Variants in NUP37 observed in about 807,000 individuals in gnomAD.
The protein encoded by NUP37 is nucleoporin Nup37.
A neutral mutation model predicts 45.4 loss-of-function variants in NUP37; 33 were observed. The ratio of observed to expected loss-of-function variants is 0.73; its 90% confidence interval spans 0.55 to 0.97. The LOEUF is 0.97. Ranked by LOEUF, NUP37 falls within the 50% of genes least tolerant of loss-of-function variation. The pLI is 0.00. For synonymous variants in NUP37, 127 were observed against 130.7 expected, an observed-to-expected ratio of 0.97 and a Z score of 0.19; for missense variants, 365 against 389.7, an observed-to-expected ratio of 0.94 and a Z score of 0.53.
chr12:102,088,702 A>AATTTTTTTTTTTTTTTTTTTTTTTTTTT (rs1594388370), intron 5 of NUP37, among the ~76,000 whole-genome samples: 1 of 128,584 alleles, frequency 7.8e-6, no homozygotes, highest in Non-Finnish European at 1.7e-5. Context: ...TTTTTGTTTT[A>AATTTTTTTTTTTTTTTTTTTTTTTTTTT]ATTTTTTTTT....
At chr12:102,119,702 T>C (rs1880681759) in intron 1 of NUP37, among the ~76,000 whole-genome samples, 1 of 152,084 alleles carries the variant, frequency 6.6e-6, no homozygotes, top group African/African-American at 2.4e-5. Context: ...CCAGCAAGTG[T>C]TATGGACACG....
intron 5 of NUP37, 33 bp downstream of exon 5, chr12:102,099,073 T>C: frequency 7.3e-7 from 1 of 1,366,006 alleles, no homozygotes; most frequent in Non-Finnish European, 1.0e-6. Flanking sequence ...AAAATGGCAA[T>C]TTAAAAATGT....
At chr12:102,105,247 G>A (rs942424810) in intron 3 of NUP37, among the ~76,000 whole-genome samples, 48 of 152,112 alleles carry the variant, frequency 3.2e-4, no homozygotes, top group African/African-American at 9.7e-4. Flanking sequence ...TGCCATGGCC[G>A]GGTGCAATGG....
chr12:102,086,556 G>C (rs1879477898), intron 5 of NUP37, among the ~76,000 whole-genome samples: 1 of 152,180 alleles, frequency 6.6e-6, no homozygotes. Flanking sequence ...ACAAGGACCA[G>C]GTTACTCACC....
rs748190257 is a variant in NUP37 at position 102,118,375 on chromosome 12, C to A, written c.144G>T (p.Thr48=). The change falls in exon 2 of 10, where the codon ACG becomes ACT. Residue 48 remains threonine, a synonymous_variant. Transcript: ENST00000552283. ...TTTGTAGACTAACCTGAAACGTACA[C>A]GTGCCAATGACCACATAATTATTGC... is the stretch of plus-strand genomic sequence containing the variant. The part of the protein sequence containing the change: ...YGGNNYVVIG[T]CTFQEEEADV... 4.3e-6 allele frequency: 7 copies of A among 1,612,934 alleles called. No homozygotes were observed. In the East Asian group the frequency reaches 8.9e-5, roughly 21 times the overall value.
intron 5 of NUP37, among the ~76,000 whole-genome samples, chr12:102,089,111 C>G (rs995879399): frequency 6.6e-6 from 1 of 152,064 alleles, no homozygotes; most frequent in Non-Finnish European, 1.5e-5. Flanking sequence ...CTACTTCTTT[C>G]TACACAGACA....
At chr12:102,083,155 G>T (rs1879375135) in intron 6 of NUP37, among the ~76,000 whole-genome samples, 1 of 152,184 alleles carries the variant, frequency 6.6e-6, no homozygotes, top group Non-Finnish European at 1.5e-5. Flanking sequence ...TTTTGGGATA[G>T]AAGTTGTAAT....
rs1207872153 is a variant in NUP37, at chr12:102,073,273, T to G, written c.*1081A>C. 1 of 152,130 alleles carries G rather than the reference T, an allele frequency of 6.6e-6. No homozygotes were observed. The highest frequency in any genetic ancestry group is 2.4e-5 in the African/African-American group (1 of 41,418). 9.4% of individuals were successfully genotyped at this position (152,130 alleles called of 1,614,324 possible). ...GTGACTGACAAGCAGAACCATAATT[T>G]TATATGCTTCTGACTGTACCATGAT... is the stretch of plus-strand genomic sequence containing the variant. On this transcript the variant is annotated 3_prime_UTR_variant, in exon 10 of 10. Coordinates refer to ENST00000552283, the MANE Select transcript of NUP37 (RefSeq NM_024057.4).
intron 8 of NUP37, among the ~76,000 whole-genome samples, chr12:102,076,347 A>G (rs149533710): frequency 1.3e-5 from 2 of 152,362 alleles, no homozygotes; most frequent in African/African-American, 4.8e-5. Context: ...ACCACACTAT[A>G]CAATGGAGTA....
At chr12:102,094,960 G>A (rs940089707) in intron 5 of NUP37, among the ~76,000 whole-genome samples, 8 of 152,058 alleles carry the variant, frequency 5.3e-5, no homozygotes, top group South Asian at 2.1e-4. Context: ...GAGGGATGAG[G>A]AGGAGGGATG....
rs773023340 is a variant in NUP37 at position 102,075,007 on chromosome 12, G to T, written c.861C>A (p.His287Gln). The change falls in exon 9 of 10, where the codon CAC becomes CAA. Residue 287 changes from histidine (H) to glutamine (Q), a missense_variant. Coordinates refer to ENST00000552283, the MANE Select transcript of NUP37 (RefSeq NM_024057.4). Reference sequence around the variant, plus strand: ...CAAAACATTTCCACATTACCTGAGGGTGTCCTAAATGATGAATTTGAAACT... The same window carrying T: ...CAAAACATTTCCACATTACCTGAGGTTGTCCTAAATGATGAATTTGAAACT... ...ASQFQIHHLG[H>Q]PQPILMGSVA... 5 of 1,600,654 alleles carry T rather than the reference G, an allele frequency of 3.1e-6. No homozygotes were observed. Among genetic ancestry groups the T allele is most frequent in the Non-Finnish European group, 3.4e-6 (4 of 1,171,480 alleles).
At chr12:102,107,593 C>T (rs1438800522) in intron 3 of NUP37, among the ~76,000 whole-genome samples, 3 of 152,154 alleles carry the variant, frequency 2.0e-5, no homozygotes, top group Non-Finnish European at 4.4e-5. Flanking sequence ...TCAAACAGTA[C>T]ATTCATAACC....
chr12:102,098,563 G>A (rs1303919215), intron 5 of NUP37, among the ~76,000 whole-genome samples: 5 of 149,700 alleles, frequency 3.3e-5, no homozygotes, highest in Non-Finnish European at 5.9e-5. Flanking sequence ...ATGGAGTGTC[G>A]CTATGCCACC....
chr12:102,106,784 C>T (rs576102413), intron 3 of NUP37, among the ~76,000 whole-genome samples: 1 of 152,180 alleles, frequency 6.6e-6, no homozygotes, highest in Non-Finnish European at 1.5e-5. Context: ...GCCCAACTTC[C>T]CCACAGAACT....
At chr12:102,112,684 T>C (rs1267250790) in intron 2 of NUP37, among the ~76,000 whole-genome samples, 7 of 152,098 alleles carry the variant, frequency 4.6e-5, no homozygotes, top group Non-Finnish European at 7.4e-5. Context: ...AATCAAGATA[T>C]TCTAGGTAAA....
chr12:102,083,584 C>T (rs1879390213), intron 6 of NUP37, among the ~76,000 whole-genome samples: 1 of 152,180 alleles, frequency 6.6e-6, no homozygotes, highest in South Asian at 2.1e-4. Flanking sequence ...GCTGTATTTA[C>T]ATGTTTTTTC....
chr12:102,084,676 A>G (rs1381256351), intron 6 of NUP37, among the ~76,000 whole-genome samples: 1 of 149,964 alleles, frequency 6.7e-6, no homozygotes, highest in Non-Finnish European at 1.5e-5. Flanking sequence ...GTGCCATTGC[A>G]CTCCAGCCTG....
chr12:102,091,512 T>C (rs1879655112), intron 5 of NUP37, among the ~76,000 whole-genome samples: 1 of 144,518 alleles, frequency 6.9e-6, no homozygotes, highest in Admixed American at 7.0e-5. Context: ...TCTCAAAGCA[T>C]AAAAGTATAG....
intron 1 of NUP37, among the ~76,000 whole-genome samples, chr12:102,119,587 C>A (rs1011524541): frequency 6.6e-6 from 1 of 152,102 alleles, no homozygotes; most frequent in African/African-American, 2.4e-5. Flanking sequence ...ACAAACATAT[C>A]AAGCACCTTA....
Sources: allele counts gnomAD v4.1 joint callset (sites outside exome capture counted in the v4.1 genomes callset), GRCh38; gene constraint gnomAD v4.1.1; transcripts MANE v1.5; gene names NCBI Gene and HGNC (gene_info 2026-07-23, HGNC 2026-07-21).